Variants in PHACTR4 observed in about 807,000 individuals in gnomAD.
PHACTR4 encodes the protein protein phosphatase 1, regulatory subunit 124.
PHACTR4 carries 51 observed loss-of-function variants against 72.7 expected under a neutral mutation model. The observed-to-expected ratio is 0.70, with a 90% CI of 0.56 to 0.89. The LOEUF is 0.89. Among genes scored for constraint, PHACTR4 ranks in the 40% least tolerant of loss-of-function variants. PHACTR4 has a pLI of 0.00. For missense variants in PHACTR4, 731 were observed against 861.8 expected (o/e 0.85, Z 1.90); for synonymous variants, 255 against 302.5 (o/e 0.84, Z 1.63).
intron 2 of PHACTR4, among the ~76,000 whole-genome samples, chr1:28,442,033 C>G (rs1315778866): frequency 1.3e-5 from 2 of 152,026 alleles, no homozygotes; most frequent in East Asian, 3.9e-4. Flanking sequence ...CTTTGTAGTT[C>G]TTAATGAACA....
chr1:28,455,198 C>CTTTCTTTTTTTTTTTTT (rs1250815977), intron 2 of PHACTR4, among the ~76,000 whole-genome samples: 1 of 85,974 alleles, frequency 1.2e-5, no homozygotes, highest in Non-Finnish European at 2.1e-5. Flanking sequence ...TTCTTTCTTT[C>CTTTCTTTTTTTTTTTTT]TTTTTTTTTT....
chr1:28,478,904 G>A (rs1035479548), intron 8 of PHACTR4, among the ~76,000 whole-genome samples: 2 of 152,164 alleles, frequency 1.3e-5, no homozygotes, highest in African/African-American at 4.8e-5. Flanking sequence ...TTACAAGCAT[G>A]AGCCACCTCA....
At chr1:28,387,259 CAAAA>C (rs11431699) in intron 1 of PHACTR4, among the ~76,000 whole-genome samples, 4 of 96,496 alleles carry the variant, frequency 4.1e-5, no homozygotes, top group Admixed American at 2.5e-4. Flanking sequence ...GACCCTGTCT[CAAAA>C]AAAAAAAAAA....
chr1:28,485,088 G>A (rs1660548374), intron 9 of PHACTR4, among the ~76,000 whole-genome samples: 1 of 152,178 alleles, frequency 6.6e-6, no homozygotes, highest in Admixed American at 6.5e-5. Context: ...GAGTAAGCCA[G>A]TCACAGAACA....
At chr1:28,406,145 G>A (rs1654307704) in intron 1 of PHACTR4, among the ~76,000 whole-genome samples, 1 of 152,058 alleles carries the variant, frequency 6.6e-6, no homozygotes, top group African/African-American at 2.4e-5. Context: ...TTTAGGTTAT[G>A]TTTACTTAAG....
intron 2 of PHACTR4, among the ~76,000 whole-genome samples, chr1:28,450,973 G>GATTTTTTTTTTTTTTTTTTT (rs1557823481): frequency 1.8e-5 from 1 of 55,476 alleles, no homozygotes; most frequent in Admixed American, 1.5e-4. Context: ...ACCACACCCA[G>GATTTTTTTTTTTTTTTTTTT]CTTTTTTTTT....
intron 1 of PHACTR4, among the ~76,000 whole-genome samples, chr1:28,379,830 C>T (rs974841155): frequency 4.6e-5 from 7 of 151,334 alleles, no homozygotes; most frequent in Non-Finnish European, 5.9e-5. Context: ...ACCTCGTGAT[C>T]CGCCCGCCTC....
chr1:28,465,740 C>A lies in PHACTR4; in HGVS notation c.327C>A (p.Thr109=). The change falls in exon 5 of 14, where the codon ACC becomes ACA. Residue 109 remains threonine (T), a synonymous_variant. Transcript: ENST00000373839. ...SDAMLKNGHT[T]PIGNARSSSP... ...CCATGTTAAAGAATGGCCATACCACCCCCATAGGGAATGCCAGATCATCTA... is the reference window on the plus strand; with the variant it reads ...CCATGTTAAAGAATGGCCATACCACACCCATAGGGAATGCCAGATCATCTA... 6 of 1,614,012 alleles carry A rather than the reference C, an allele frequency of 3.7e-6. No homozygotes were observed. Among genetic ancestry groups the A allele is most frequent in the Non-Finnish European group, 5.1e-6 (6 of 1,179,966 alleles).
At chr1:28,449,757 CAGG>C (rs1657801305) in intron 2 of PHACTR4, among the ~76,000 whole-genome samples, 1 of 151,714 alleles carries the variant, frequency 6.6e-6, no homozygotes, top group South Asian at 2.1e-4. Context: ...GAGGCTGAGA[CAGG>C]AGAATCCCTT....
At chr1:28,435,418 C>A (rs576276435) in intron 2 of PHACTR4, among the ~76,000 whole-genome samples, 17 of 152,266 alleles carry the variant, frequency 1.1e-4, no homozygotes, top group African/African-American at 3.6e-4. Context: ...GCATGTGCCA[C>A]CACTCCCAGC....
chr1:28,378,198 TAAAA>T (rs60280611), intron 1 of PHACTR4, among the ~76,000 whole-genome samples: 2 of 76,402 alleles, frequency 2.6e-5, no homozygotes, highest in African/African-American at 1.3e-4. Flanking sequence ...CTCCATCTCA[TAAAA>T]AAAAAAAAAA....
intron 2 of PHACTR4, among the ~76,000 whole-genome samples, chr1:28,434,102 G>C (rs562709159): frequency 5.3e-5 from 8 of 152,168 alleles, no homozygotes; most frequent in Middle Eastern, 6.8e-3. Flanking sequence ...TAAGAGATTA[G>C]TTGTAGAGCA....
chr1:28,394,327 A>G (rs1003106835), intron 1 of PHACTR4, among the ~76,000 whole-genome samples: 4 of 151,468 alleles, frequency 2.6e-5, no homozygotes, highest in African/African-American at 9.7e-5. Flanking sequence ...GGAGAGAGAC[A>G]GAGCAGAGAG....
chr1:28,469,677 T>C (rs1225112715), intron 6 of PHACTR4, among the ~76,000 whole-genome samples: 2 of 151,074 alleles, frequency 1.3e-5, no homozygotes, highest in African/African-American at 4.8e-5. Flanking sequence ...TTTCCAAAAA[T>C]ATCTCTTTCA....
intron 2 of PHACTR4, among the ~76,000 whole-genome samples, chr1:28,437,261 C>G (rs1036826731): frequency 4.6e-5 from 7 of 152,064 alleles, no homozygotes; most frequent in Admixed American, 3.9e-4. Flanking sequence ...CAGGGTCTTG[C>G]ATTGTTGCCT....
At chr1:28,454,184 A>G (rs558923675) in intron 2 of PHACTR4, among the ~76,000 whole-genome samples, 1 of 152,208 alleles carries the variant, frequency 6.6e-6, no homozygotes, top group Admixed American at 6.5e-5. Flanking sequence ...AGGAAGATAT[A>G]ATAACTCTAA....
intron 1 of PHACTR4, among the ~76,000 whole-genome samples, chr1:28,404,139 G>A (rs748166028): frequency 7.9e-5 from 12 of 151,798 alleles, no homozygotes; most frequent in East Asian, 1.9e-4. Flanking sequence ...TTGTAGAGAC[G>A]GGGTTTCACC....
intron 10 of PHACTR4, chr1:28,489,652 T>C (rs1267027653): frequency 5.1e-5 from 20 of 392,378 alleles, no homozygotes; most frequent in South Asian, 2.9e-4. Context: ...GTTTAATCCC[T>C]TAAGACTTTC....
intron 2 of PHACTR4, among the ~76,000 whole-genome samples, chr1:28,432,140 T>C (rs989238512): frequency 1.3e-5 from 2 of 151,546 alleles, no homozygotes; most frequent in African/African-American, 4.9e-5. Context: ...ACCCAGGAGG[T>C]GGAGGTTGCA....
Sources: allele counts gnomAD v4.1 joint callset (sites outside exome capture counted in the v4.1 genomes callset), GRCh38; gene constraint gnomAD v4.1.1; transcripts MANE v1.5; gene names NCBI Gene and HGNC (gene_info 2026-07-23, HGNC 2026-07-21).